KCNK17: variants seen among roughly 807,000 people sequenced by gnomAD.
The protein encoded by KCNK17 is potassium two pore domain channel subfamily K member 17.
KCNK17 carries 27 observed loss-of-function variants against 24.6 expected under a neutral mutation model. The observed-to-expected ratio is 1.10, with a 90% CI of 0.81 to 1.51. The LOEUF is 1.51. Among genes scored for constraint, KCNK17 ranks in the 40% most tolerant of loss-of-function variants. The pLI, the probability that KCNK17 is intolerant of heterozygous loss-of-function variation, is 0.00. For missense variants in KCNK17, 450 were observed against 436.6 expected, an observed-to-expected ratio of 1.03 and a Z score of -0.27; for synonymous variants, 181 against 189.8, an observed-to-expected ratio of 0.95 and a Z score of 0.38.
In KCNK17 at chr6:39,310,436, C is replaced by CG. The variant is rs111739064; in HGVS notation, c.352+456dup. Among the ~76,000 whole-genome samples the CG allele has an allele frequency of 1.0e-2, 1,516 of 152,040 alleles. 24 individuals carry two copies. The highest frequency in any genetic ancestry group is 0.035 in the African/African-American group (1,433 of 41,460). On this transcript the variant is annotated intron_variant, in intron 2 of 4. Coordinates refer to ENST00000373231, the MANE Select transcript of KCNK17 (RefSeq NM_031460.4). ...GGCCACCTCCCCCAGGGCTGAGAAACGGGGGGTCTAAAGCTCTTTCTTTGG... is the reference window on the plus strand; with the variant it reads ...GGCCACCTCCCCCAGGGCTGAGAAACGGGGGGGTCTAAAGCTCTTTCTTTGG...
chr6:39,310,989 T>C lies in KCNK17; in HGVS notation c.256A>G (p.Lys86Glu). The C allele has an allele frequency of 6.2e-7, 1 of 1,605,516 alleles. No individual in the cohort carries two copies. Among genetic ancestry groups the C allele is most frequent in the East Asian group, 2.2e-5 (1 of 44,622 alleles). The change falls in exon 2 of 5, where the codon AAA (lysine) becomes GAA (glutamate). Residue 86 changes from lysine to glutamate, a missense_variant. Physicochemically the swap from Lys to Glu is moderately conservative, Grantham distance 56. Transcript: ENST00000373231. ...SLIRDVVQAYKNGASLLSNTT... is the reference protein window; with the variant it reads ...SLIRDVVQAYENGASLLSNTT... ...TTGCTGAGGAGGCTGGCTCCGTTTTTGTATGCTTGGACGACATCCTGGGGA... is the reference window on the plus strand; with the variant it reads ...TTGCTGAGGAGGCTGGCTCCGTTTTCGTATGCTTGGACGACATCCTGGGGA...
intron 4 of KCNK17, among the ~76,000 whole-genome samples, chr6:39,301,899 T>C (rs1761957832): frequency 6.6e-6 from 1 of 152,176 alleles, no homozygotes; most frequent in South Asian, 2.1e-4. Flanking sequence ...TCCCTGTTAC[T>C]GGAGGACAAG....
In KCNK17 at chr6:39,299,092, T is replaced by C. The variant is rs1761895758; in HGVS notation, c.*335A>G. On this transcript the variant is annotated 3_prime_UTR_variant, in exon 5 of 5. Transcript: ENST00000373231. ...AGGATGGCTCTGTGATCATCAGAGA[T>C]CCAGACTCTTCCTATCTTATTGTGC... 2 of 304,624 alleles carry C rather than the reference T, an allele frequency of 6.6e-6. No homozygotes were observed. Among genetic ancestry groups the C allele is most frequent in the Non-Finnish European group, 1.2e-5 (2 of 164,102 alleles). The allele number at this position is 304,624 out of a possible 1,614,324, so 18.9% of individuals were successfully genotyped here.
At chr6:39,304,978 C>T (rs1762010950) in intron 2 of KCNK17, among the ~76,000 whole-genome samples, 1 of 152,244 alleles carries the variant, frequency 6.6e-6, no homozygotes. Flanking sequence ...TTCCTCTCTT[C>T]ATGTCCTCCC....
At chr6:39,300,122 T>C (rs1432904899) in intron 4 of KCNK17, among the ~76,000 whole-genome samples, 1 of 152,130 alleles carries the variant, frequency 6.6e-6, no homozygotes, top group East Asian at 1.9e-4. Context: ...ATCCGTATTT[T>C]TTGTTTTGTT....
At chr6:39,312,966 G>A (rs1762169542) in intron 1 of KCNK17, among the ~76,000 whole-genome samples, 1 of 152,226 alleles carries the variant, frequency 6.6e-6, no homozygotes, top group Admixed American at 6.5e-5. Context: ...CTTCCGCTCC[G>A]CGCTGGGTCC....
At chr6:39,304,272 G>A in intron 3 of KCNK17, 141 bp from the exon 4 acceptor site, 1 of 884,952 alleles carries the variant, frequency 1.1e-6, no homozygotes, top group Non-Finnish European at 1.7e-6. Context: ...TTCCCTGCCT[G>A]GAGCCTGTGC....
At chr6:39,304,958 G>A (rs1762010760) in intron 2 of KCNK17, among the ~76,000 whole-genome samples, 1 of 152,222 alleles carries the variant, frequency 6.6e-6, no homozygotes, top group Non-Finnish European at 1.5e-5. Flanking sequence ...CACCAAATGT[G>A]AGTCTCCTCT....
At chr6:39,312,585 C>T (rs1023990915) in intron 1 of KCNK17, among the ~76,000 whole-genome samples, 1 of 152,118 alleles carries the variant, frequency 6.6e-6, no homozygotes, top group South Asian at 2.1e-4. Flanking sequence ...AAACAGTACC[C>T]ACCTGTGAGG....
intron 2 of KCNK17, among the ~76,000 whole-genome samples, chr6:39,308,304 C>T (rs980769491): frequency 2.6e-5 from 4 of 152,166 alleles, no homozygotes; most frequent in Non-Finnish European, 5.9e-5. Context: ...ATGTACTTAT[C>T]TTTTGAGGCA....
At chr6:39,311,091 C>T (rs1762128457) in intron 1 of KCNK17, 84 bp from the exon 2 acceptor site, 1 of 465,550 alleles carries the variant, frequency 2.1e-6, no homozygotes, top group Non-Finnish European at 3.7e-6. Context: ...CACACACACA[C>T]ACACACACAC....
chr6:39,308,610 A>C (rs553005848), intron 2 of KCNK17, among the ~76,000 whole-genome samples: 1 of 152,220 alleles, frequency 6.6e-6, no homozygotes, highest in Non-Finnish European at 1.5e-5. Context: ...TTTGTTGAAC[A>C]AATGGATGGA....
chr6:39,313,319 C>G (rs1165856123), intron 1 of KCNK17, among the ~76,000 whole-genome samples: 2 of 152,248 alleles, frequency 1.3e-5, no homozygotes, highest in East Asian at 1.9e-4. Flanking sequence ...TTCAGCCTTT[C>G]TGGGCAGCCG....
chr6:39,310,912 C>A lies in KCNK17; in HGVS notation c.333G>T (p.Val111=). The A allele has an allele frequency of 6.2e-7, 1 of 1,604,608 alleles. No homozygotes were observed. Among genetic ancestry groups the A allele is most frequent in the East Asian group, 2.2e-5 (1 of 44,526 alleles). ...WELVGSFFFS[V]STITTIGYGN... ...CCTTACCAATGGTGGTGATGGTGGA[C>A]ACAGAAAAGAAGAAGGAGCCCACGA... The change falls in exon 2 of 5, where the codon GTG becomes GTT. Residue 111 remains valine, a synonymous_variant. Transcript: ENST00000373231.
intron 2 of KCNK17, among the ~76,000 whole-genome samples, chr6:39,305,393 C>G (rs1344657428): frequency 2.0e-5 from 3 of 152,138 alleles, no homozygotes; most frequent in Non-Finnish European, 2.9e-5. Flanking sequence ...ATATCTGATT[C>G]CTGGAGGACC....
At chr6:39,311,946 CACTGAGCA>C (rs137963971) in intron 1 of KCNK17, among the ~76,000 whole-genome samples, 3,291 of 152,268 alleles carry the variant, frequency 0.022, 62 homozygotes, top group Non-Finnish European at 0.028. Flanking sequence ...CAGCCAAGGT[CACTGAGCA>C]AAGGGGAAGT....
chr6:39,313,229 G>C (rs895599565), intron 1 of KCNK17, among the ~76,000 whole-genome samples: 2 of 152,100 alleles, frequency 1.3e-5, no homozygotes, highest in Non-Finnish European at 2.9e-5. Context: ...AACCCTCCCC[G>C]GCCTCCTCCG....
rs780183448 is a variant in KCNK17 at position 39,310,882 on chromosome 6, C to G, written c.352+11G>C. 1 of 1,032,928 alleles carries G rather than the reference C, an allele frequency of 9.7e-7. No individual in the cohort carries two copies. Among genetic ancestry groups the G allele is most frequent in the East Asian group, 2.8e-5 (1 of 35,466 alleles). 64.0% of individuals were successfully genotyped at this position (1,032,928 alleles called of 1,614,324 possible). A position where few individuals can be genotyped will look rare whatever the true frequency, so the allele number is the denominator to read the frequency against. On this transcript the variant is annotated intron_variant, in intron 2 of 4. Coordinates refer to ENST00000373231, the MANE Select transcript of KCNK17 (RefSeq NM_031460.4). ...CCCACCCCCATCCCCCTGGCCCCAT[C>G]TGGCCCTTACCAATGGTGGTGATGG...
intron 2 of KCNK17, among the ~76,000 whole-genome samples, chr6:39,306,053 T>C (rs1762031340): frequency 6.6e-6 from 1 of 151,696 alleles, no homozygotes. Flanking sequence ...GTCTTTTTTT[T>C]TTTTTTTTGA....
Sources: allele counts gnomAD v4.1 joint callset (sites outside exome capture counted in the v4.1 genomes callset), GRCh38; gene constraint gnomAD v4.1.1; transcripts MANE v1.5; gene names NCBI Gene and HGNC (gene_info 2026-07-23, HGNC 2026-07-21).